NRSN1: variants seen among roughly 807,000 people sequenced by gnomAD.
NRSN1 encodes neurensin 1.
A neutral mutation model predicts 17.3 loss-of-function variants in NRSN1; 14 were observed. The observed-to-expected ratio is 0.81, with a 90% CI of 0.54 to 1.27. The LOEUF is 1.27. Among genes scored for constraint, NRSN1 ranks in the 50% most tolerant of loss-of-function variants. The pLI is 0.00. For missense variants in NRSN1, 209 were observed against 235.9 expected (o/e 0.89, Z 0.75); for synonymous variants, 79 against 94.2 (o/e 0.84, Z 0.93).
intron 2 of NRSN1, among the ~76,000 whole-genome samples, chr6:24,130,066 A>C (rs1473489559): frequency 6.6e-6 from 1 of 152,202 alleles, no homozygotes; most frequent in Admixed American, 6.5e-5. Context: ...CATCCCCTCT[A>C]TCCATGTACC....
At chr6:24,142,018 T>G (rs1374038917) in intron 3 of NRSN1, among the ~76,000 whole-genome samples, 1 of 152,188 alleles carries the variant, frequency 6.6e-6, no homozygotes, top group Non-Finnish European at 1.5e-5. Context: ...TCAATTTTGC[T>G]TGTACATTCA....
intron 3 of NRSN1, among the ~76,000 whole-genome samples, chr6:24,138,022 C>G (rs975657752): frequency 6.6e-6 from 1 of 152,054 alleles, no homozygotes; most frequent in Non-Finnish European, 1.5e-5. Context: ...AGGAGTTGAA[C>G]CTGGGAATGC....
Position 24,145,725 on chromosome 6 carries a change from T to C in NRSN1, c.367T>C (p.Phe123Leu). The change falls in exon 4 of 4, where the codon TTC becomes CTC. Residue 123 changes from phenylalanine to leucine, a missense_variant. By Grantham distance (22) the Phe-to-Leu change is conservative. Coordinates refer to ENST00000378491, the MANE Select transcript of NRSN1 (RefSeq NM_080723.5). The surrounding 1 kb of genome is among the most constrained non-coding windows in gnomAD (Gnocchi z 4.4). ...DMYKLAGAVLFCIGGTSMAGC... is the reference protein window; with the variant it reads ...DMYKLAGAVLLCIGGTSMAGC... ...GTACAAGCTGGCAGGAGCTGTTCTCTTCTGCATTGGAGGCACGTCCATGGC... is the reference window on the plus strand; with the variant it reads ...GTACAAGCTGGCAGGAGCTGTTCTCCTCTGCATTGGAGGCACGTCCATGGC... 1.2e-6 allele frequency: 2 copies of C among 1,614,238 alleles called. No individual in the cohort carries two copies. The highest frequency in any genetic ancestry group is 2.2e-5 in the South Asian group (2 of 91,080).
In NRSN1 at chr6:24,136,064, C is replaced by T. The variant is rs558845568; in HGVS notation, c.189+1548C>T. On this transcript the variant is annotated intron_variant, in intron 3 of 3. Transcript: ENST00000378491. ...AACCTCAGACTACATGAGCTCAAAC[C>T]CCAGCTCTTTTGTTTAATCATTCTG... 9.9e-5 allele frequency among the ~76,000 whole-genome samples: 15 copies of T among 152,112 alleles called. No individual in the cohort carries two copies. The South Asian group carries it at 1.0e-3, about 11-fold the overall frequency.
intron 2 of NRSN1, among the ~76,000 whole-genome samples, chr6:24,130,592 CG>C (rs1333985259): frequency 1.3e-5 from 2 of 152,122 alleles, no homozygotes; most frequent in Non-Finnish European, 2.9e-5. Flanking sequence ...GTCAGACCCT[CG>C]GGGATCCTAT....
chr6:24,133,471 T>G (rs1760068384), intron 2 of NRSN1, among the ~76,000 whole-genome samples: 2 of 152,176 alleles, frequency 1.3e-5, no homozygotes, highest in African/African-American at 4.8e-5. Flanking sequence ...AAGGCAAAAT[T>G]TCAAACTAGT....
At position 24,145,888 on chromosome 6, in the gene NRSN1, C is replaced by A. The variant is rs866894024; in HGVS notation, c.530C>A (p.Thr177Lys). 14 of 1,613,878 alleles carry A rather than the reference C, an allele frequency of 8.7e-6. No homozygotes were observed. The highest frequency in any genetic ancestry group is 1.1e-5 in the Non-Finnish European group (13 of 1,179,996). ...ACAAAAGCTCCAGGGCCAGGGGAAA[C>A]AAAGATTCCAGTCACTTTGTCCAGG... ...PVTKAPGPGETKIPVTLSRVQ... is the reference protein window; with the variant it reads ...PVTKAPGPGEKKIPVTLSRVQ... Residue 177 changes from threonine (T) to lysine (K), a missense_variant, in exon 4 of 4, where the codon ACA becomes AAA. Thr to Lys is a moderately conservative substitution (Grantham distance 78). Coordinates refer to ENST00000378491, the MANE Select transcript of NRSN1 (RefSeq NM_080723.5). This position sits in a 1 kb window ranked among gnomAD's most constrained non-coding sequence, Gnocchi z 4.4.
At position 24,146,053 on chromosome 6, in the gene NRSN1, G is replaced by GCCAAATC; in HGVS notation, c.*107_*108insCCAAATC. ...TTGGCGTTGACTGCCCTAGGGCTGT[G>GCCAAATC]TTCAGCTGTGGGCAATATAATGGGT... On this transcript the variant is annotated 3_prime_UTR_variant, in exon 4 of 4. Coordinates refer to ENST00000378491, the MANE Select transcript of NRSN1 (RefSeq NM_080723.5). 1 of 1,152,574 alleles carries GCCAAATC rather than the reference G, an allele frequency of 8.7e-7. No homozygotes were observed. The highest frequency in any genetic ancestry group is 1.3e-6 in the Non-Finnish European group (1 of 764,854). 71.4% of individuals were successfully genotyped at this position (1,152,574 alleles called of 1,614,324 possible). A position where few individuals can be genotyped will look rare whatever the true frequency, so the allele number is the denominator to read the frequency against.
Position 24,146,061 on chromosome 6 carries a change from G to A in NRSN1, c.*115G>A. The stretch of plus-strand genomic sequence containing the variant: ...GACTGCCCTAGGGCTGTGTTCAGCT[G>A]TGGGCAATATAATGGGTGGACTCAC... On this transcript the variant is annotated 3_prime_UTR_variant, in exon 4 of 4. Coordinates refer to ENST00000378491, the MANE Select transcript of NRSN1 (RefSeq NM_080723.5). The A allele has an allele frequency of 9.1e-7, 1 of 1,093,578 alleles. No homozygotes were observed. Among genetic ancestry groups the A allele is most frequent in the Non-Finnish European group, 1.4e-6 (1 of 710,876 alleles). 67.7% of individuals were successfully genotyped at this position (1,093,578 alleles called of 1,614,324 possible).
Position 24,141,328 on chromosome 6 carries a change from A to C in NRSN1, c.190-4220A>C, listed in dbSNP as rs566951223. 1.6e-5 allele frequency: 18 copies of C among 1,103,916 alleles called. No individual in the cohort carries two copies. In the African/African-American group the frequency reaches 2.9e-4, roughly 18 times the overall value. The allele number at this position is 1,103,916 out of a possible 1,614,324, so 68.4% of individuals were successfully genotyped here. A position where few individuals can be genotyped will look rare whatever the true frequency, so the allele number is the denominator to read the frequency against. ...TCAATTTTTATCCTTTCCAGTACTC[A>C]GCATGGTACCAAGACTAAGCTGATG... On this transcript the variant is annotated intron_variant, in intron 3 of 3. Coordinates refer to ENST00000378491, the MANE Select transcript of NRSN1 (RefSeq NM_080723.5).
rs577547426 is a variant in NRSN1, at chr6:24,133,725, C to T, written c.-9-594C>T. 4.6e-5 allele frequency among the ~76,000 whole-genome samples: 7 copies of T among 152,250 alleles called. No homozygotes were observed. In the South Asian group the frequency reaches 1.5e-3, roughly 32 times the overall value. ...GTGTACCTAATTTATGTGAGTTGTG[C>T]TGTTGTATCTCATTTCATTTATGGA... On this transcript the variant is annotated intron_variant, in intron 2 of 3. Transcript: ENST00000378491.
At position 24,145,054 on chromosome 6, in the gene NRSN1, A is replaced by T. The variant is rs371414275; in HGVS notation, c.190-494A>T. Among the ~76,000 whole-genome samples the T allele has an allele frequency of 8.2e-6, 1 of 121,712 alleles. No individual in the cohort carries two copies. The highest frequency in any genetic ancestry group is 2.9e-5 in the African/African-American group (1 of 34,892). 79.8% of individuals were successfully genotyped at this position (121,712 alleles called of 152,430 possible). ...TAGATATATGATATATATTATATAT[A>T]ATATATATCTTTAGGTATATAATAT... On this transcript the variant is annotated intron_variant, in intron 3 of 3. Transcript: ENST00000378491. This position sits in a 1 kb window ranked among gnomAD's most constrained non-coding sequence, Gnocchi z 4.4.
intron 2 of NRSN1, among the ~76,000 whole-genome samples, chr6:24,133,611 T>G (rs929667321): frequency 6.6e-6 from 1 of 152,220 alleles, no homozygotes. Context: ...CAAAGACAAC[T>G]AGATTCTAAG....
rs1760327557 is a variant in NRSN1 at position 24,147,517 on chromosome 6, T to C, written c.*1571T>C. 1 of 152,220 alleles carries C rather than the reference T, an allele frequency of 6.6e-6. No homozygotes were observed. The highest frequency in any genetic ancestry group is 1.9e-4 in the East Asian group (1 of 5,202). The allele number at this position is 152,220 out of a possible 1,614,324, so 9.4% of individuals were successfully genotyped here. A position where few individuals can be genotyped will look rare whatever the true frequency, so the allele number is the denominator to read the frequency against. On this transcript the variant is annotated 3_prime_UTR_variant, in exon 4 of 4. Coordinates refer to ENST00000378491, the MANE Select transcript of NRSN1 (RefSeq NM_080723.5). The stretch of plus-strand genomic sequence containing the variant: ...TTCCCCGGCTAAATGGAAGAATAAA[T>C]GAAGCAATTAGTACTCTTTGTGCAC...
At position 24,146,568 on chromosome 6, in the gene NRSN1, C is replaced by T. The variant is rs550689026; in HGVS notation, c.*622C>T. ...TTCTTTTGCCTAGGTTGGAGTACAG[C>T]GGTGAAATCATAGCGCACTGCAGCC... On this transcript the variant is annotated 3_prime_UTR_variant, in exon 4 of 4. Coordinates refer to ENST00000378491, the MANE Select transcript of NRSN1 (RefSeq NM_080723.5). 43 of 306,580 alleles carry T rather than the reference C, an allele frequency of 1.4e-4. No individual in the cohort carries two copies. The highest frequency in any genetic ancestry group is 1.0e-3 in the South Asian group (35 of 35,030). 19.0% of individuals were successfully genotyped at this position (306,580 alleles called of 1,614,324 possible).
At chr6:24,141,288 T>C in intron 3 of NRSN1, 1 of 1,230,126 alleles carries the variant, frequency 8.1e-7, no homozygotes, top group Non-Finnish European at 1.0e-6. Flanking sequence ...TATGATACTG[T>C]ATGGAATTGC....
chr6:24,139,383 C>T (rs906080574), intron 3 of NRSN1, among the ~76,000 whole-genome samples: 5 of 152,242 alleles, frequency 3.3e-5, no homozygotes, highest in East Asian at 1.9e-4. Context: ...AATAATGGCC[C>T]GCACCATTAG....
At chr6:24,142,678 T>A (rs1011775060) in intron 3 of NRSN1, among the ~76,000 whole-genome samples, 1 of 152,124 alleles carries the variant, frequency 6.6e-6, no homozygotes, top group African/African-American at 2.4e-5. Context: ...AGGCTTGTCT[T>A]GTGTCCAGAA....
Position 24,145,417 on chromosome 6 carries a change from C to A in NRSN1, c.190-131C>A. ...TCAACAGAAAATTAAGTAAGTGTTTCCTGCAAATTTGGGGTAACTGGGAAT... is the reference window on the plus strand; with the variant it reads ...TCAACAGAAAATTAAGTAAGTGTTTACTGCAAATTTGGGGTAACTGGGAAT... On this transcript the variant is annotated intron_variant, in intron 3 of 3. Coordinates refer to ENST00000378491, the MANE Select transcript of NRSN1 (RefSeq NM_080723.5). The surrounding 1 kb of genome is among the most constrained non-coding windows in gnomAD (Gnocchi z 4.4). 1.6e-6 allele frequency: 1 copy of A among 625,214 alleles called. No individual in the cohort carries two copies. The highest frequency in any genetic ancestry group is 2.6e-6 in the Non-Finnish European group (1 of 383,594). The allele number at this position is 625,214 out of a possible 1,614,324, so 38.7% of individuals were successfully genotyped here.
Sources: gnomAD v4.1 joint callset for allele counts (sites outside exome capture counted in the v4.1 genomes callset) on GRCh38, gnomAD v4.1.1 for gene constraint, Gnocchi (gnomAD v3.1) non-coding constraint, MANE v1.5 for transcripts, NCBI Gene and HGNC (gene_info 2026-07-23, HGNC 2026-07-21) for gene names.